Variants in NDUFA5 observed in about 807,000 individuals in gnomAD.
The protein encoded by NDUFA5 is NADH:ubiquinone oxidoreductase subunit A5.
In NDUFA5, 11 loss-of-function variants were observed where a neutral mutation model predicts 19.8. That is an observed-to-expected ratio of 0.56 (90% CI 0.35 to 0.92). The LOEUF (loss-of-function observed/expected upper bound fraction) is 0.92. Ranked by LOEUF, NDUFA5 falls within the 40% of genes least tolerant of loss-of-function variation. The pLI is 0.01. For missense variants in NDUFA5, 109 were observed against 134.2 expected, an observed-to-expected ratio of 0.81 and a Z score of 0.93; for synonymous variants, 47 against 46.8, an observed-to-expected ratio of 1.00 and a Z score of -0.01.
chr7:123,593,178 A>G, the NDUFA5 span, among the ~76,000 whole-genome samples: 2 of 151,842 alleles, frequency 1.3e-5, no homozygotes, highest in Admixed American at 6.6e-5. Flanking sequence ...TGCATGTGAG[A>G]TGGGTCTCCT....
chr7:123,589,008 CTA>C, the NDUFA5 span, among the ~76,000 whole-genome samples: 2 of 151,722 alleles, frequency 1.3e-5, no homozygotes, highest in Non-Finnish European at 2.9e-5. Flanking sequence ...GGAGAATATT[CTA>C]TGTCCATTGA....
At chr7:123,578,758 T>A in the NDUFA5 span, among the ~76,000 whole-genome samples, 2 of 152,258 alleles carry the variant, frequency 1.3e-5, no homozygotes, top group East Asian at 3.9e-4. Flanking sequence ...CACCTTCCTC[T>A]TATAGATTCA....
Position 123,542,032 on chromosome 7 carries a change from A to C in NDUFA5, c.*87T>G, listed in dbSNP as rs550894563. 19 of 898,534 alleles carry C rather than the reference A, an allele frequency of 2.1e-5. No homozygotes were observed. The African/African-American group carries it at 2.8e-4, about 13-fold the overall frequency. The allele number at this position is 898,534 out of a possible 1,614,324, so 55.7% of individuals were successfully genotyped here. On this transcript the variant is annotated 3_prime_UTR_variant, in exon 5 of 5. Coordinates refer to ENST00000355749, the MANE Select transcript of NDUFA5 (RefSeq NM_005000.5). ...TTCTATATCACTTTTCTTGATTACA[A>C]AATGTCAGTAATAAGAACACGCTCT...
chr7:123,560,665 C>T (rs1798677188), upstream of NDUFA5, among the ~76,000 whole-genome samples: 1 of 152,156 alleles, frequency 6.6e-6, no homozygotes, highest in Non-Finnish European at 1.5e-5. Flanking sequence ...GTTACCCTCT[C>T]ATGGTATGCT....
At chr7:123,560,038 C>T (rs1351535054), upstream of NDUFA5, among the ~76,000 whole-genome samples, 1 of 151,928 alleles carries the variant, frequency 6.6e-6, no homozygotes, top group East Asian at 1.9e-4. Context: ...GGTTTAACAT[C>T]CCCAAATCAA....
chr7:123,564,476 G>A, the NDUFA5 span, among the ~76,000 whole-genome samples: 1 of 152,092 alleles, frequency 6.6e-6, no homozygotes, highest in Non-Finnish European at 1.5e-5. Context: ...GGGTTCCCCA[G>A]AGAAAGAGAA....
chr7:123,573,288 C>CTTTT, the NDUFA5 span, among the ~76,000 whole-genome samples: 3 of 117,908 alleles, frequency 2.5e-5, no homozygotes, highest in Non-Finnish European at 5.3e-5. Context: ...TCTGGATTTG[C>CTTTT]TTTTTTTTTT....
At chr7:123,567,768 G>A in the NDUFA5 span, among the ~76,000 whole-genome samples, 4 of 151,544 alleles carry the variant, frequency 2.6e-5, no homozygotes, top group East Asian at 3.9e-4. Flanking sequence ...TAGCAAAAGC[G>A]AAAATAACCC....
the NDUFA5 span, among the ~76,000 whole-genome samples, chr7:123,583,940 A>G: frequency 6.6e-6 from 1 of 151,924 alleles, no homozygotes; most frequent in East Asian, 1.9e-4. Flanking sequence ...GATACAGTCG[A>G]TCACTCCTTT....
the NDUFA5 span, among the ~76,000 whole-genome samples, chr7:123,587,304 C>G: frequency 6.6e-6 from 1 of 151,414 alleles, no homozygotes; most frequent in Non-Finnish European, 1.5e-5. Context: ...ATTTTTGTAG[C>G]TATTGTATAT....
chr7:123,565,396 TACACACACAC>T, the NDUFA5 span, among the ~76,000 whole-genome samples: 69 of 148,346 alleles, frequency 4.7e-4, no homozygotes, highest in African/African-American at 8.7e-4. Flanking sequence ...TAGCTTATAA[TACACACACAC>T]ACACACACAC....
At chr7:123,554,916 A>C (rs546519660) in intron 2 of NDUFA5, 1 of 152,440 alleles carries the variant, frequency 6.6e-6, no homozygotes, top group South Asian at 2.1e-4. Context: ...TCCTGGGCTA[A>C]AGCAATCCAC....
the NDUFA5 span, among the ~76,000 whole-genome samples, chr7:123,600,816 G>A: frequency 2.0e-5 from 3 of 152,006 alleles, no homozygotes; most frequent in Admixed American, 6.6e-5. Flanking sequence ...TACAATCCAC[G>A]TATTTATATT....
At chr7:123,586,387 T>C in the NDUFA5 span, among the ~76,000 whole-genome samples, 7 of 151,896 alleles carry the variant, frequency 4.6e-5, no homozygotes, top group African/African-American at 1.7e-4. Context: ...TTAGAAAAAA[T>C]GTCTATTCAG....
the NDUFA5 span, among the ~76,000 whole-genome samples, chr7:123,601,050 G>A: frequency 1.3e-5 from 2 of 152,184 alleles, no homozygotes; most frequent in African/African-American, 4.8e-5. Context: ...AAAACGAGTT[G>A]TTTTAGTAGG....
the NDUFA5 span, among the ~76,000 whole-genome samples, chr7:123,594,961 C>T: frequency 2.0e-5 from 3 of 152,272 alleles, no homozygotes; most frequent in Non-Finnish European, 2.9e-5. Context: ...GCTTCCCTGC[C>T]GCTTTGTTTA....
intron 2 of NDUFA5, among the ~76,000 whole-genome samples, chr7:123,552,895 C>G (rs1345734431): frequency 1.3e-5 from 2 of 152,152 alleles, no homozygotes; most frequent in Non-Finnish European, 2.9e-5. Context: ...CCTTTAAGAT[C>G]CCCAGCAAGC....
At chr7:123,550,414 C>G in intron 3 of NDUFA5, 56 bp downstream of exon 3, 2 of 485,928 alleles carry the variant, frequency 4.1e-6, no homozygotes, top group South Asian at 2.2e-5. Flanking sequence ...AAATAAGGAA[C>G]TAAACTTTTT....
intron 3 of NDUFA5, among the ~76,000 whole-genome samples, chr7:123,549,553 G>C (rs1049622563): frequency 1.3e-5 from 2 of 152,202 alleles, no homozygotes; most frequent in African/African-American, 4.8e-5. Context: ...AAGGCAGGAA[G>C]GTCACTTGAA....
Sources: gnomAD v4.1 joint callset for allele counts (sites outside exome capture counted in the v4.1 genomes callset) on GRCh38, gnomAD v4.1.1 for gene constraint, MANE v1.5 for transcripts, NCBI Gene and HGNC (gene_info 2026-07-23, HGNC 2026-07-21) for gene names.